VAV2: variants seen among roughly 807,000 people sequenced by gnomAD.
VAV2 encodes the protein guanine nucleotide exchange factor VAV2.
A neutral mutation model predicts 132.5 loss-of-function variants in VAV2; 67 were observed. The ratio of observed to expected loss-of-function variants is 0.51; its 90% CI spans 0.42 to 0.62. VAV2 has a LOEUF of 0.62. Among genes scored for constraint, VAV2 ranks in the 20% least tolerant of loss-of-function variants. The pLI is 0.00. For missense variants in VAV2, 938 were observed against 1,153.6 expected (o/e 0.81, Z 2.71); for synonymous variants, 492 against 443.5 (o/e 1.11, Z -1.37).
At position 133,969,214 on chromosome 9, in the gene VAV2, C is replaced by T. The variant is rs141460906; in HGVS notation, c.204+22861G>A. ...ACCGTGCCCGCCGGGCCTGCGAGGA[C>T]GAGCCTCTGCACCTGCTTCCCTCCT... On this transcript the variant is annotated intron_variant, in intron 1 of 29. Transcript: ENST00000371850. The surrounding 1 kb of genome is among the most constrained non-coding windows in gnomAD (Gnocchi z 5.1). 4.8e-3 allele frequency among the ~76,000 whole-genome samples: 723 copies of T among 152,094 alleles called. 5 individuals are homozygous for T. The highest frequency in any genetic ancestry group is 0.016 in the African/African-American group (684 of 41,488).
intron 4 of VAV2, among the ~76,000 whole-genome samples, chr9:133,816,096 G>C (rs1216499558): frequency 6.6e-6 from 1 of 152,194 alleles, no homozygotes; most frequent in African/African-American, 2.4e-5. Context: ...GGCTAACGCT[G>C]CTGAGGGGTC....
intron 25 of VAV2, among the ~76,000 whole-genome samples, chr9:133,774,714 C>T (rs192707522): frequency 6.6e-6 from 1 of 152,308 alleles, no homozygotes; most frequent in East Asian, 1.9e-4. Context: ...GTGATGTAAG[C>T]ATGGACCATC....
rs1833537207 is a variant in VAV2, at chr9:133,769,317, C to T, written c.2434+100G>A. ...GCCAGACTGCGGACAACTGTGGCCACGTCAGGCAGGGCTGTGGGGCCAGTG... is the reference window on the plus strand; with the variant it reads ...GCCAGACTGCGGACAACTGTGGCCATGTCAGGCAGGGCTGTGGGGCCAGTG... On this transcript the variant is annotated intron_variant, in intron 28 of 29. Coordinates refer to ENST00000371850, the MANE Select transcript of VAV2 (RefSeq NM_001134398.2). The surrounding 1 kb of genome is among the most constrained non-coding windows in gnomAD (Gnocchi z 8.1). 1.4e-5 allele frequency: 18 copies of T among 1,304,290 alleles called. No homozygotes were observed. Among genetic ancestry groups the T allele is most frequent in the East Asian group, 5.1e-5 (2 of 39,542 alleles). 80.8% of individuals were successfully genotyped at this position (1,304,290 alleles called of 1,614,324 possible).
intron 4 of VAV2, among the ~76,000 whole-genome samples, chr9:133,827,100 C>T (rs1347160058): frequency 6.6e-6 from 1 of 152,132 alleles, no homozygotes; most frequent in African/African-American, 2.4e-5. Context: ...ACAGAGGGCC[C>T]CAGGACTCCA....
chr9:133,888,276 G>A (rs778037793), intron 2 of VAV2, among the ~76,000 whole-genome samples: 5 of 152,348 alleles, frequency 3.3e-5, no homozygotes, highest in African/African-American at 1.2e-4. Context: ...GGAGACGGAC[G>A]GTGGTGACGG....
At chr9:133,842,484 TG>T (rs1836764846) in intron 3 of VAV2, among the ~76,000 whole-genome samples, 1 of 152,234 alleles carries the variant, frequency 6.6e-6, no homozygotes. Context: ...TGACATCTAC[TG>T]TCCGGGTTTG....
chr9:133,914,612 G>C (rs1176609029), intron 2 of VAV2, among the ~76,000 whole-genome samples: 2 of 102,560 alleles, frequency 2.0e-5, no homozygotes, highest in Non-Finnish European at 3.9e-5. Context: ...TACCACCAGA[G>C]AGAGAGAGGA....
Position 133,919,928 on chromosome 9 carries a change from TC to T in VAV2, c.321+19174del. On this transcript the variant is annotated intron_variant, in intron 2 of 29. Transcript: ENST00000371850. The surrounding 1 kb of genome is among the most constrained non-coding windows in gnomAD (Gnocchi z 5.8). ...TACAGCGGCGGACCCAAGGCTGCTT[TC>T]CACGTTGCCCAGTCCTGCTCTGCCA... 6.6e-6 allele frequency among the ~76,000 whole-genome samples: 1 copy of T among 152,260 alleles called. No individual in the cohort carries two copies. Among genetic ancestry groups the T allele is most frequent in the South Asian group, 2.1e-4 (1 of 4,824 alleles).
At chr9:133,878,580 C>T (rs1838360109) in intron 2 of VAV2, among the ~76,000 whole-genome samples, 1 of 152,170 alleles carries the variant, frequency 6.6e-6, no homozygotes, top group African/African-American at 2.4e-5. Flanking sequence ...GATGCAAGCC[C>T]CCACCTCCAC....
At chr9:133,880,969 C>T (rs145335915) in intron 2 of VAV2, among the ~76,000 whole-genome samples, 150 of 152,332 alleles carry the variant, frequency 9.8e-4, no homozygotes, top group African/African-American at 3.0e-3. Context: ...TCGGTGGCTA[C>T]AGCACAGTCC....
At chr9:133,971,353 A>T (rs1842328164) in intron 1 of VAV2, among the ~76,000 whole-genome samples, 1 of 152,112 alleles carries the variant, frequency 6.6e-6, no homozygotes, top group Non-Finnish European at 1.5e-5. Context: ...GCACCGTGGG[A>T]CCGGTGACTC....
At chr9:133,810,688 G>C (rs538375837) in intron 5 of VAV2, among the ~76,000 whole-genome samples, 80 of 152,276 alleles carry the variant, frequency 5.3e-4, no homozygotes, top group Non-Finnish European at 8.1e-4. Flanking sequence ...AGCCTGGCAG[G>C]TTCTGTGGAC....
intron 1 of VAV2, among the ~76,000 whole-genome samples, chr9:133,988,792 G>C (rs188828314): frequency 1.4e-4 from 21 of 152,096 alleles, no homozygotes; most frequent in African/African-American, 5.1e-4. Context: ...TGTGGGTGGG[G>C]CACTGTGGCT....
intron 2 of VAV2, among the ~76,000 whole-genome samples, chr9:133,892,214 G>A (rs1839006121): frequency 7.0e-6 from 1 of 142,984 alleles, no homozygotes; most frequent in Admixed American, 7.0e-5. Flanking sequence ...TGAGGGGAGG[G>A]GTGGGGATCA....
At chr9:133,930,269 C>A (rs1263491328) in intron 2 of VAV2, among the ~76,000 whole-genome samples, 1 of 149,850 alleles carries the variant, frequency 6.7e-6, no homozygotes, top group Non-Finnish European at 1.5e-5. Context: ...CTCTTCACTA[C>A]CCTCCCTGCC....
rs1243437352 is a variant in VAV2, at chr9:133,969,772, T to G, written c.204+22303A>C. Among the ~76,000 whole-genome samples, 1 of 151,552 alleles carries G rather than the reference T, an allele frequency of 6.6e-6. No individual in the cohort carries two copies. Among genetic ancestry groups the G allele is most frequent in the African/African-American group, 2.4e-5 (1 of 41,186 alleles). ...CCGTCCATCTCTCTCCATTCCCACT[T>G]CTCTCCCCACCCCCCAGCCTGGACA... On this transcript the variant is annotated intron_variant, in intron 1 of 29. Transcript: ENST00000371850. This position sits in a 1 kb window ranked among gnomAD's most constrained non-coding sequence, Gnocchi z 5.1.
At chr9:133,892,659 T>A (rs910017535) in intron 2 of VAV2, among the ~76,000 whole-genome samples, 2 of 151,964 alleles carry the variant, frequency 1.3e-5, no homozygotes, top group Admixed American at 6.5e-5. Flanking sequence ...GAGACAACTG[T>A]CCTTCGGCTC....
At chr9:133,836,871 A>G (rs1836492242) in intron 3 of VAV2, among the ~76,000 whole-genome samples, 1 of 152,216 alleles carries the variant, frequency 6.6e-6, no homozygotes, top group Non-Finnish European at 1.5e-5. Flanking sequence ...GCCCAGGCAG[A>G]CATCACTCAC....
chr9:133,809,285 A>ACTG, intron 6 of VAV2, 147 bp from the exon 7 acceptor site: 1 of 631,320 alleles, frequency 1.6e-6, no homozygotes, highest in Non-Finnish European at 2.8e-6. Context: ...TGCTGCAGCC[A>ACTG]GATGGGTGAC....
Sources: allele counts gnomAD v4.1 joint callset (sites outside exome capture counted in the v4.1 genomes callset), GRCh38; gene constraint gnomAD v4.1.1; non-coding constraint Gnocchi (gnomAD v3.1); transcripts MANE v1.5; gene names NCBI Gene and HGNC (gene_info 2026-07-23, HGNC 2026-07-21).